Variants in ATP8B3 observed in about 807,000 individuals in gnomAD.
The protein encoded by ATP8B3 is phospholipid-transporting ATPase IK.
In ATP8B3, 141 loss-of-function variants were observed where a neutral mutation model predicts 140.9. The observed-to-expected ratio is 1.00, with a 90% CI of 0.87 to 1.15. The LOEUF is 1.15. Among genes scored for constraint, ATP8B3 ranks in the 50% most tolerant of loss-of-function variants. The pLI, the probability that ATP8B3 is intolerant of heterozygous loss-of-function variation, is 0.00. For synonymous variants in ATP8B3, 765 were observed against 714.6 expected, an observed-to-expected ratio of 1.07 and a Z score of -1.13; for missense variants, 1,874 against 1,740.6, an observed-to-expected ratio of 1.08 and a Z score of -1.36.
At position 1,789,790 on chromosome 19, in the gene ATP8B3, C is replaced by T. The variant is rs560393995; in HGVS notation, c.2479-63G>A. On this transcript the variant is annotated intron_variant, in intron 22 of 28. Transcript: ENST00000310127. ...CCTCCAGGCCAGACTGGACCCTACC[C>T]GGCCCTCGGCCTCGCCAGCAGTCCC... 443 of 1,563,230 alleles carry T rather than the reference C, an allele frequency of 2.8e-4. 6 individuals carry two copies. The South Asian group carries it at 5.0e-3, about 18-fold the overall frequency.
intron 4 of ATP8B3, 81 bp from the exon 5 acceptor site, chr19:1,808,416 T>A: frequency 2.0e-6 from 2 of 979,828 alleles, no homozygotes; most frequent in Non-Finnish European, 3.2e-6. Flanking sequence ...CAGACCTGCC[T>A]CACTTGGCCT....
Position 1,783,372 on chromosome 19 carries a change from C to T in ATP8B3, c.3661-102G>A, listed in dbSNP as rs539846773. The T allele has an allele frequency of 6.2e-5, 88 of 1,412,964 alleles. No homozygotes were observed. In the East Asian group the frequency reaches 1.9e-3, roughly 30 times the overall value. 87.5% of individuals were successfully genotyped at this position (1,412,964 alleles called of 1,614,324 possible). On this transcript the variant is annotated intron_variant, in intron 28 of 28. Coordinates refer to ENST00000310127, the MANE Select transcript of ATP8B3 (RefSeq NM_138813.4). ...AGGCAGGATTCAAAGCCCTTGGCCA[C>T]TATTGATTGGCTACGTTCTTCCCTA...
Position 1,789,585 on chromosome 19 carries a change from C to G in ATP8B3, c.2621G>C (p.Gly874Ala), listed in dbSNP as rs1208774229. Residue 874 changes from glycine to alanine, a missense_variant, in exon 23 of 29, where the codon GGG (glycine) becomes GCG (alanine). Gly to Ala is a moderately conservative substitution (Grantham distance 60). Around this residue, in one of 3 missense-constraint regions of ATP8B3, gnomAD observed 840 missense variants for 760.9 expected, o/e 1.10. Coordinates refer to ENST00000310127, the MANE Select transcript of ATP8B3 (RefSeq NM_138813.4). ...RRLSLLCRRF[G>A]LPLAAPPAQD... The stretch of plus-strand genomic sequence containing the variant: ...GGCTGGCGGTGCAGCCAGCGGGAGC[C>G]CGAACCTCCGGCACAGCAGGGACAG... The G allele has an allele frequency of 4.4e-6, 7 of 1,593,270 alleles. No homozygotes were observed. The highest frequency in any genetic ancestry group is 2.3e-5 in the East Asian group (1 of 44,146).
At chr19:1,792,920 A>C (rs1346001559) in intron 18 of ATP8B3, among the ~76,000 whole-genome samples, 1 of 120,350 alleles carries the variant, frequency 8.3e-6, no homozygotes, top group African/African-American at 3.2e-5. Flanking sequence ...GTTTCAAAAA[A>C]AAAAAAAAAG....
Position 1,784,843 on chromosome 19 carries a change from T to A in ATP8B3, c.3636A>T (p.Pro1212=). 3 of 1,609,198 alleles carry A rather than the reference T, an allele frequency of 1.9e-6. No homozygotes were observed. Among genetic ancestry groups the A allele is most frequent in the Non-Finnish European group, 2.5e-6 (3 of 1,177,862 alleles). The change falls in exon 28 of 29, where the codon CCA becomes CCT. Residue 1212 remains proline (P), a synonymous_variant. Coordinates refer to ENST00000310127, the MANE Select transcript of ATP8B3 (RefSeq NM_138813.4). ...CCTTGGCACGTAGCTCCTTGAGGGC[T>A]GGGAAGATGACTCGGAGGGCCAGGA... The part of the protein sequence containing the change: ...FPVLALRVIF[P]ALKELRAKEE...
In ATP8B3 at chr19:1,794,672, A is replaced by T. The variant is rs974753553; in HGVS notation, c.2055+1203T>A. On this transcript the variant is annotated intron_variant, in intron 18 of 28. Transcript: ENST00000310127. The surrounding 1 kb of genome is among the most constrained non-coding windows in gnomAD (Gnocchi z 4.8). The stretch of plus-strand genomic sequence containing the variant: ...AGGACACCGAAAGCTTCTGAATGAC[A>T]AAGGTGCAGGGAAGACCCTCCCAGC... 6.6e-6 allele frequency among the ~76,000 whole-genome samples: 1 copy of T among 152,148 alleles called. No individual in the cohort carries two copies. Among genetic ancestry groups the T allele is most frequent in the Non-Finnish European group, 1.5e-5 (1 of 68,024 alleles).
chr19:1,806,447 C>T lies in ATP8B3; in HGVS notation c.677+181G>A, dbSNP rs2069023191. 1 of 1,452,524 alleles carries T rather than the reference C, an allele frequency of 6.9e-7. No homozygotes were observed. Among genetic ancestry groups the T allele is most frequent in the African/African-American group, 1.4e-5 (1 of 70,300 alleles). 90.0% of individuals were successfully genotyped at this position (1,452,524 alleles called of 1,614,324 possible). ...GCTCTGCAAGGGTTCGCCATCAGGG[C>T]CTCGGCCTCTGTCCTCGTCCCGGCC... On this transcript the variant is annotated intron_variant, in intron 7 of 28. Coordinates refer to ENST00000310127, the MANE Select transcript of ATP8B3 (RefSeq NM_138813.4). This position sits in a 1 kb window ranked among gnomAD's most constrained non-coding sequence, Gnocchi z 5.6.
chr19:1,792,204 C>A, intron 18 of ATP8B3, 69 bp from the exon 19 acceptor site: 1 of 1,461,918 alleles, frequency 6.8e-7, no homozygotes, highest in South Asian at 1.4e-5. Flanking sequence ...CCTCCCCAAC[C>A]CCCTGCCGGG....
rs542407890 is a variant in ATP8B3 at position 1,800,774 on chromosome 19, C to T, written c.1153-325G>A. Reference sequence around the variant, plus strand: ...AGGAGGCTGCAGTGAGATATCATGGCGCCACTGCACTCCATCCTGGGCAAT... The same window carrying T: ...AGGAGGCTGCAGTGAGATATCATGGTGCCACTGCACTCCATCCTGGGCAAT... On this transcript the variant is annotated intron_variant, in intron 12 of 28. Coordinates refer to ENST00000310127, the MANE Select transcript of ATP8B3 (RefSeq NM_138813.4). This position sits in a 1 kb window ranked among gnomAD's most constrained non-coding sequence, Gnocchi z 4.4. Among the ~76,000 whole-genome samples the T allele has an allele frequency of 2.1e-4, 32 of 151,948 alleles. 1 individual carries two copies. In the South Asian group the frequency reaches 5.0e-3, roughly 24 times the overall value.
rs2069057928 is a variant in ATP8B3, at chr19:1,807,345, C to T, written c.517-79G>A. Reference sequence around the variant, plus strand: ...GCCCTTCCACCAAGCCGACCTAGCCCCGCACTCGACACCACGTGACACATC... The same window carrying T: ...GCCCTTCCACCAAGCCGACCTAGCCTCGCACTCGACACCACGTGACACATC... On this transcript the variant is annotated intron_variant, in intron 5 of 28. Coordinates refer to ENST00000310127, the MANE Select transcript of ATP8B3 (RefSeq NM_138813.4). The surrounding 1 kb of genome is among the most constrained non-coding windows in gnomAD (Gnocchi z 5.9). 3.5e-6 allele frequency: 4 copies of T among 1,157,822 alleles called. No individual in the cohort carries two copies. Among genetic ancestry groups the T allele is most frequent in the African/African-American group, 1.5e-5 (1 of 65,992 alleles). 71.7% of individuals were successfully genotyped at this position (1,157,822 alleles called of 1,614,324 possible). A position where few individuals can be genotyped will look rare whatever the true frequency, so the allele number is the denominator to read the frequency against.
intron 25 of ATP8B3, 96 bp from the exon 26 acceptor site, chr19:1,785,804 C>A: frequency 7.5e-7 from 1 of 1,340,030 alleles, no homozygotes; most frequent in African/African-American, 1.5e-5. Context: ...GGTGGCCACT[C>A]TCTGTGTGTG....
In ATP8B3 at chr19:1,800,252, G is replaced by C. The variant is rs1405924878; in HGVS notation, c.1343+7C>G. 3.7e-6 allele frequency: 6 copies of C among 1,609,952 alleles called. No homozygotes were observed. The East Asian group carries it at 1.3e-4, about 36-fold the overall frequency. On this transcript the variant is annotated splice_region_variant and intron_variant, in intron 13 of 28. Coordinates refer to ENST00000310127, the MANE Select transcript of ATP8B3 (RefSeq NM_138813.4). The surrounding 1 kb of genome is among the most constrained non-coding windows in gnomAD (Gnocchi z 4.4). Reference sequence around the variant, plus strand: ...TTGCACCGGGGACGCAGCCGGCGGAGACTCACAGGATGAACATGGACATCG... The same window carrying C: ...TTGCACCGGGGACGCAGCCGGCGGACACTCACAGGATGAACATGGACATCG...
At chr19:1,792,425 CAA>C (rs2068541619) in intron 18 of ATP8B3, among the ~76,000 whole-genome samples, 1 of 150,454 alleles carries the variant, frequency 6.6e-6, no homozygotes, top group South Asian at 2.1e-4. Flanking sequence ...ACCCAAAATA[CAA>C]AGATTAGCCA....
At chr19:1,783,612 C>T (rs530840924) in intron 28 of ATP8B3, among the ~76,000 whole-genome samples, 2 of 152,326 alleles carry the variant, frequency 1.3e-5, no homozygotes, top group Admixed American at 6.5e-5. Flanking sequence ...AGTCCTTCCC[C>T]GACTCTGGAC....
At chr19:1,792,226 G>A (rs1028984546) in intron 18 of ATP8B3, 91 bp from the exon 19 acceptor site, 5 of 1,402,174 alleles carry the variant, frequency 3.6e-6, no homozygotes, top group African/African-American at 2.9e-5. Flanking sequence ...TCCGGAGCCT[G>A]GGTCCCCCAA....
At chr19:1,799,038 G>C (rs1231788497) in intron 14 of ATP8B3, 1 of 151,942 alleles carries the variant, frequency 6.6e-6, no homozygotes, top group African/African-American at 2.4e-5. Flanking sequence ...GGCTACTTGG[G>C]AAGCTGAAGT....
At chr19:1,799,544 T>C (rs1214750220) in intron 14 of ATP8B3, 2 of 382,692 alleles carry the variant, frequency 5.2e-6, no homozygotes, top group East Asian at 8.4e-5. Flanking sequence ...GGCAGGTGGA[T>C]CGCCGGAGGC....
chr19:1,795,156 G>A (rs2068626995), intron 18 of ATP8B3, among the ~76,000 whole-genome samples: 1 of 152,196 alleles, frequency 6.6e-6, no homozygotes, highest in Non-Finnish European at 1.5e-5. Context: ...TCAGGAGGCT[G>A]AGGCAGGAGG....
chr19:1,793,234 G>A (rs1436772001), intron 18 of ATP8B3, among the ~76,000 whole-genome samples: 2 of 151,312 alleles, frequency 1.3e-5, no homozygotes, highest in Non-Finnish European at 2.9e-5. Context: ...GGGATCATAG[G>A]CACATGCCAT....
Sources: gnomAD v4.1 joint callset for allele counts (sites outside exome capture counted in the v4.1 genomes callset) on GRCh38, gnomAD v4.1.1 for gene constraint, gnomAD v4.1.1 regional missense constraint, Gnocchi (gnomAD v3.1) non-coding constraint, MANE v1.5 for transcripts, NCBI Gene and HGNC (gene_info 2026-07-23, HGNC 2026-07-21) for gene names.